The following FAM222B variants were observed in gnomAD, a reference collection of about 807,000 sequenced individuals.
FAM222B encodes protein FAM222B.
Under a neutral mutation model 38.0 loss-of-function variants are expected in FAM222B, and 12 were observed. The ratio of observed to expected loss-of-function variants is 0.32; its 90% confidence interval spans 0.20 to 0.51. The LOEUF (loss-of-function observed/expected upper bound fraction) is 0.51, where lower values mean the gene tolerates loss of function less well. Ranked by LOEUF, FAM222B falls within the 20% of genes least tolerant of loss-of-function variation. The pLI is 0.97. For missense variants in FAM222B, 716 were observed against 754.2 expected, an observed-to-expected ratio of 0.95 and a Z score of 0.59; for synonymous variants, 329 against 317.2, an observed-to-expected ratio of 1.04 and a Z score of -0.40.
At chr17:28,784,183 G>A (rs1248244649) in intron 1 of FAM222B, among the ~76,000 whole-genome samples, 2 of 152,012 alleles carry the variant, frequency 1.3e-5, no homozygotes, top group East Asian at 3.9e-4. Context: ...TTATTTACAT[G>A]TTGGCTCTTG....
At chr17:28,793,218 G>A (rs1472330697) in intron 1 of FAM222B, among the ~76,000 whole-genome samples, 1 of 152,084 alleles carries the variant, frequency 6.6e-6, no homozygotes, top group Non-Finnish European at 1.5e-5. Context: ...TTGCAGTTGT[G>A]AGCCACCATG....
upstream of FAM222B, among the ~76,000 whole-genome samples, chr17:28,843,158 G>A (rs1361268967): frequency 2.0e-5 from 3 of 147,516 alleles, no homozygotes; most frequent in Admixed American, 1.4e-4. Context: ...TTTTTTCTGA[G>A]TCGAAGTTTC....
intron 1 of FAM222B, among the ~76,000 whole-genome samples, chr17:28,823,847 A>G (rs140746277): frequency 4.0e-5 from 6 of 151,330 alleles, no homozygotes; most frequent in African/African-American, 1.2e-4. Flanking sequence ...CCTAACAAGT[A>G]TCTCAAACTT....
At chr17:28,790,883 A>AAATTTTTTTTTTTTTTT (rs1567838640) in intron 1 of FAM222B, among the ~76,000 whole-genome samples, 4 of 8,910 alleles carry the variant, frequency 4.5e-4, no homozygotes, top group African/African-American at 2.2e-3. Context: ...AAATTGTTTC[A>AAATTTTTTTTTTTTTTT]CTTTTTTTTT....
At chr17:28,767,325 TC>T in intron 1 of FAM222B, among the ~76,000 whole-genome samples, 2 of 152,030 alleles carry the variant, frequency 1.3e-5, no homozygotes, top group African/African-American at 4.8e-5. Flanking sequence ...CTGGCTAATT[TC>T]TTTGTATTTT....
chr17:28,760,557 G>A (rs1291851309), intron 2 of FAM222B, among the ~76,000 whole-genome samples: 7 of 151,738 alleles, frequency 4.6e-5, no homozygotes, highest in Admixed American at 3.9e-4. Flanking sequence ...TCCAACCTGG[G>A]CGACAGAGCA....
At chr17:28,804,408 C>T (rs1303503441) in intron 1 of FAM222B, among the ~76,000 whole-genome samples, 1 of 152,078 alleles carries the variant, frequency 6.6e-6, no homozygotes, top group Non-Finnish European at 1.5e-5. Flanking sequence ...GATCTCGGCT[C>T]ACCGCAACCT....
intron 1 of FAM222B, among the ~76,000 whole-genome samples, chr17:28,818,738 G>C (rs2038115426): frequency 6.6e-6 from 1 of 152,008 alleles, no homozygotes; most frequent in African/African-American, 2.4e-5. Context: ...GTATGTTCTG[G>C]GAGTAGAGAG....
chr17:28,825,636 G>T (rs2038413767), intron 1 of FAM222B, among the ~76,000 whole-genome samples: 1 of 151,848 alleles, frequency 6.6e-6, no homozygotes, highest in South Asian at 2.1e-4. Flanking sequence ...TATAATGTTT[G>T]ATCTGCTGAT....
chr17:28,834,276 CTAAA>C (rs2038765282), intron 1 of FAM222B: 1 of 152,178 alleles, frequency 6.6e-6, no homozygotes, highest in Admixed American at 6.6e-5. Context: ...AAATAGTGAT[CTAAA>C]CATGTTCCTT....
intron 1 of FAM222B, among the ~76,000 whole-genome samples, chr17:28,772,640 T>G (rs11868147): frequency 1.3e-5 from 2 of 150,486 alleles, no homozygotes; most frequent in Non-Finnish European, 2.9e-5. Flanking sequence ...CTCATGTCTA[T>G]AATCCCAGCA....
upstream of FAM222B, among the ~76,000 whole-genome samples, chr17:28,845,789 G>T (rs531417514): frequency 8.6e-5 from 13 of 150,944 alleles, no homozygotes; most frequent in African/African-American, 2.9e-4. Flanking sequence ...CAGCTACTTG[G>T]GGGGCTGAGG....
intron 1 of FAM222B, among the ~76,000 whole-genome samples, chr17:28,825,472 A>C (rs1233916306): frequency 6.6e-6 from 1 of 151,088 alleles, no homozygotes; most frequent in Non-Finnish European, 1.5e-5. Flanking sequence ...AAAGGAAACG[A>C]AACACCTTAC....
intron 1 of FAM222B, among the ~76,000 whole-genome samples, chr17:28,767,942 C>A (rs1277512023): frequency 6.6e-6 from 1 of 152,150 alleles, no homozygotes; most frequent in East Asian, 1.9e-4. Context: ...TGCTCCCAGA[C>A]TAAAGCAAGG....
chr17:28,758,468 T>G lies in FAM222B; in HGVS notation c.1491A>C (p.Ala497=). The G allele has an allele frequency of 4.3e-6, 7 of 1,613,532 alleles. No homozygotes were observed. Among genetic ancestry groups the G allele is most frequent in the Non-Finnish European group, 5.9e-6 (7 of 1,179,772 alleles). Residue 497 remains alanine (A), a synonymous_variant, in exon 3 of 3, where the codon GCA becomes GCC. Transcript: ENST00000581407. The part of the protein sequence containing the change: ...CAAAPGAHYR[A]GTGGGPVASQ... ...TTGCCACTGGACCGCCCCCGGTCCCTGCTCGGTAGTGGGCCCCGGGAGCTG... is the reference window on the plus strand; with the variant it reads ...TTGCCACTGGACCGCCCCCGGTCCCGGCTCGGTAGTGGGCCCCGGGAGCTG...
intron 1 of FAM222B, among the ~76,000 whole-genome samples, chr17:28,784,385 A>G (rs2036298311): frequency 6.6e-6 from 1 of 151,350 alleles, no homozygotes; most frequent in East Asian, 2.0e-4. Flanking sequence ...CTGAGAGGAC[A>G]GAATTGCTGG....
chr17:28,772,277 G>C (rs2035670282), intron 1 of FAM222B, among the ~76,000 whole-genome samples: 1 of 151,964 alleles, frequency 6.6e-6, no homozygotes, highest in South Asian at 2.1e-4. Context: ...GGAACTTTAT[G>C]AATCCAGAAA....
chr17:28,854,331 T>G (rs73264544), intron 1 of FAM222B, among the ~76,000 whole-genome samples: 267 of 152,324 alleles, frequency 1.8e-3, no homozygotes, highest in African/African-American at 5.9e-3. Flanking sequence ...TTTCTCCGGC[T>G]GCTAGAGCGG....
At chr17:28,769,963 C>G (rs1396042716) in intron 1 of FAM222B, among the ~76,000 whole-genome samples, 4 of 152,208 alleles carry the variant, frequency 2.6e-5, no homozygotes, top group African/African-American at 9.6e-5. Context: ...TCTTTGACCT[C>G]CATGTCTAAA....
Sources: gnomAD v4.1 joint callset for allele counts (sites outside exome capture counted in the v4.1 genomes callset) on GRCh38, gnomAD v4.1.1 for gene constraint, MANE v1.5 for transcripts, NCBI Gene and HGNC (gene_info 2026-07-23, HGNC 2026-07-21) for gene names.